BCAS4: variants seen among roughly 807,000 people sequenced by gnomAD.
The protein encoded by BCAS4 is breast carcinoma amplified sequence 4, also known as breast carcinoma-amplified sequence 4.
In BCAS4, 9 loss-of-function variants were observed where a neutral mutation model predicts 15.7. The observed-to-expected ratio is 0.57, with a 90% CI of 0.34 to 1.00. The LOEUF (loss-of-function observed/expected upper bound fraction) is 1.00. Ranked by LOEUF, BCAS4 falls within the 50% of genes least tolerant of loss-of-function variation. BCAS4 has a pLI of 0.02. For synonymous variants in BCAS4, 101 were observed against 99.5 expected, an observed-to-expected ratio of 1.02 and a Z score of -0.09; for missense variants, 225 against 239.1, an observed-to-expected ratio of 0.94 and a Z score of 0.39.
chr20:50,821,472 C>T (rs6020770), intron 2 of BCAS4, among the ~76,000 whole-genome samples: 5,167 of 152,322 alleles, frequency 0.034, 94 homozygotes, highest in African/African-American at 0.054. Context: ...CTGCTGTGTG[C>T]TGTGGGGCTA....
intron 3 of BCAS4, chr20:50,840,644 C>G: frequency 6.2e-7 from 1 of 1,610,522 alleles, no homozygotes; most frequent in Non-Finnish European, 8.5e-7. Context: ...TTCTCCTGTT[C>G]AATCGTTTCT....
At position 50,823,818 on chromosome 20, in the gene BCAS4, G is replaced by A. The variant is rs542848367; in HGVS notation, c.162+5536G>A. 3.9e-5 allele frequency among the ~76,000 whole-genome samples: 6 copies of A among 152,194 alleles called. No individual in the cohort carries two copies. The South Asian group carries it at 1.2e-3, about 32-fold the overall frequency. On this transcript the variant is annotated intron_variant, in intron 2 of 4. Coordinates refer to ENST00000371608, the MANE Select transcript of BCAS4 (RefSeq NM_198799.4). ...GGGAGGGTAGTCATGGCCTACAGGA[G>A]GCCTTATGGGGTGATGAAATATTCT...
chr20:50,867,492 G>A (rs887478462), intron 4 of BCAS4, among the ~76,000 whole-genome samples: 2 of 152,174 alleles, frequency 1.3e-5, no homozygotes, highest in East Asian at 3.9e-4. Flanking sequence ...GACTACAGGT[G>A]CATGCCACCA....
intron 1 of BCAS4, among the ~76,000 whole-genome samples, chr20:50,802,440 G>C (rs2087938824): frequency 6.6e-6 from 1 of 152,216 alleles, no homozygotes; most frequent in African/African-American, 2.4e-5. Context: ...ACCTGCCCAG[G>C]AGTGGGGGGA....
At position 50,829,809 on chromosome 20, in the gene BCAS4, A is replaced by G. The variant is rs1440379314; in HGVS notation, c.163-470A>G. ...GATGGTGCAAGGAAGTACTTAGGAC[A>G]GTGCCTGCGTGTCGGAAGCATCTGA... On this transcript the variant is annotated intron_variant, in intron 2 of 4. Transcript: ENST00000371608. Among the ~76,000 whole-genome samples the G allele has an allele frequency of 2.0e-5, 3 of 152,066 alleles. No individual in the cohort carries two copies. In the East Asian group the frequency reaches 5.8e-4, roughly 29 times the overall value.
chr20:50,795,482 G>C (rs1457138066), intron 1 of BCAS4, among the ~76,000 whole-genome samples: 3 of 152,284 alleles, frequency 2.0e-5, no homozygotes, highest in African/African-American at 7.2e-5. Flanking sequence ...GGCGGACCCC[G>C]GGACCTCTGC....
intron 4 of BCAS4, among the ~76,000 whole-genome samples, chr20:50,870,567 G>A (rs980715647): frequency 6.6e-6 from 1 of 152,240 alleles, no homozygotes; most frequent in Non-Finnish European, 1.5e-5. Context: ...TACAGGAACC[G>A]TGGGGATCTC....
chr20:50,828,350 G>A (rs376915196), intron 2 of BCAS4, among the ~76,000 whole-genome samples: 4 of 152,134 alleles, frequency 2.6e-5, no homozygotes, highest in East Asian at 3.9e-4. Flanking sequence ...CAAAGGTCTC[G>A]GGAAACCGAG....
At chr20:50,816,908 G>A (rs934431016) in intron 1 of BCAS4, among the ~76,000 whole-genome samples, 3 of 145,108 alleles carry the variant, frequency 2.1e-5, no homozygotes, top group Non-Finnish European at 3.0e-5. Context: ...GGGTTCAAGC[G>A]ATTCTCTTGC....
At position 50,876,166 on chromosome 20, in the gene BCAS4, G is replaced by T. The variant is rs555380797; in HGVS notation, c.400-320G>T. 79 of 389,042 alleles carry T rather than the reference G, an allele frequency of 2.0e-4. 1 individual carries two copies. Among genetic ancestry groups the T allele is most frequent in the African/African-American group, 1.6e-3 (75 of 47,918 alleles). The allele number at this position is 389,042 out of a possible 1,614,324, so 24.1% of individuals were successfully genotyped here. On this transcript the variant is annotated intron_variant, in intron 4 of 4. Coordinates refer to ENST00000371608, the MANE Select transcript of BCAS4 (RefSeq NM_198799.4). Reference sequence around the variant, plus strand: ...GGCTTTGACTGTGTTGGCCAGGCTGGCCTCAAACTCTTGACCTCAAGTGAT... The same window carrying T: ...GGCTTTGACTGTGTTGGCCAGGCTGTCCTCAAACTCTTGACCTCAAGTGAT...
At chr20:50,797,899 A>G (rs747597849) in intron 1 of BCAS4, among the ~76,000 whole-genome samples, 3 of 151,934 alleles carry the variant, frequency 2.0e-5, no homozygotes, top group Non-Finnish European at 4.4e-5. Flanking sequence ...TCCTAGCCTC[A>G]GGTGATCTGC....
chr20:50,861,124 A>G (rs1979044686), intron 4 of BCAS4, among the ~76,000 whole-genome samples: 1 of 152,028 alleles, frequency 6.6e-6, no homozygotes, highest in South Asian at 2.1e-4. Flanking sequence ...TTGTGTCTCC[A>G]TGAGGCCAAA....
intron 4 of BCAS4, among the ~76,000 whole-genome samples, chr20:50,848,865 T>C (rs6020792): frequency 1.3e-5 from 2 of 151,854 alleles, no homozygotes; most frequent in Non-Finnish European, 2.9e-5. Context: ...AAGAAAAGAG[T>C]CTCCAGAAAG....
chr20:50,854,640 C>T (rs773498239), intron 4 of BCAS4, among the ~76,000 whole-genome samples: 34 of 152,136 alleles, frequency 2.2e-4, no homozygotes, highest in Non-Finnish European at 5.0e-4. Flanking sequence ...CTCCAGGCTG[C>T]CTGAAGGGAT....
intron 1 of BCAS4, among the ~76,000 whole-genome samples, chr20:50,808,530 A>C (rs922880758): frequency 2.6e-5 from 4 of 152,052 alleles, no homozygotes; most frequent in African/African-American, 9.7e-5. Flanking sequence ...TTATTTTTTG[A>C]TTTTTTGATT....
At chr20:50,862,580 A>T (rs1441195689) in intron 4 of BCAS4, among the ~76,000 whole-genome samples, 1 of 152,016 alleles carries the variant, frequency 6.6e-6, no homozygotes, top group Non-Finnish European at 1.5e-5. Flanking sequence ...AGGACACCTC[A>T]TGTCTGAGGA....
intron 4 of BCAS4, among the ~76,000 whole-genome samples, chr20:50,850,016 A>C (rs1319137458): frequency 6.6e-6 from 1 of 152,206 alleles, no homozygotes; most frequent in Non-Finnish European, 1.5e-5. Context: ...TGCAGCCAGC[A>C]TAGCCCCAGC....
chr20:50,845,022 T>G (rs1253156674), intron 4 of BCAS4, among the ~76,000 whole-genome samples: 1 of 152,062 alleles, frequency 6.6e-6, no homozygotes, highest in Admixed American at 6.5e-5. Flanking sequence ...CTCCAGGGTG[T>G]GAGCTGGAGG....
intron 1 of BCAS4, among the ~76,000 whole-genome samples, chr20:50,808,823 A>G (rs902630990): frequency 6.6e-6 from 1 of 152,130 alleles, no homozygotes; most frequent in East Asian, 1.9e-4. Flanking sequence ...TTTGCTGTGC[A>G]GAAGCTTTTT....
Sources: gnomAD v4.1 joint callset for allele counts (sites outside exome capture counted in the v4.1 genomes callset) on GRCh38, gnomAD v4.1.1 for gene constraint, MANE v1.5 for transcripts, NCBI Gene and HGNC (gene_info 2026-07-23, HGNC 2026-07-21) for gene names.